SLC27A2: variants seen among roughly 807,000 people sequenced by gnomAD.
SLC27A2 encodes solute carrier family 27 member 2.
SLC27A2 carries 54 observed loss-of-function variants against 60.0 expected under a neutral mutation model. That is an observed-to-expected ratio of 0.90 (90% confidence interval 0.72 to 1.13). The LOEUF (loss-of-function observed/expected upper bound fraction) is 1.13, where lower values mean the gene tolerates loss of function less well. Among genes scored for constraint, SLC27A2 ranks in the 50% most tolerant of loss-of-function variants. SLC27A2 has a pLI of 0.00. For synonymous variants in SLC27A2, 297 were observed against 297.6 expected (o/e 1.00, Z 0.02); for missense variants, 739 against 777.6 (o/e 0.95, Z 0.59).
intron 9 of SLC27A2, among the ~76,000 whole-genome samples, chr15:50,235,589 G>A (rs566710346): frequency 2.6e-4 from 39 of 152,108 alleles, no homozygotes; most frequent in Non-Finnish European, 4.6e-4. Flanking sequence ...CTTTCACTTC[G>A]CTAGAAAATG....
Position 50,182,732 on chromosome 15 carries a change from G to A in SLC27A2, c.305G>A (p.Arg102His). 1.9e-6 allele frequency: 3 copies of A among 1,613,886 alleles called. No homozygotes were observed. The highest frequency in any genetic ancestry group is 2.5e-6 in the Non-Finnish European group (3 of 1,179,950). ...GCGCTGCACGACCACCTCGGCCTGC[G>A]CCAGGGAGACTGCGTGGCGCTCCTT... ...ARALHDHLGL[R>H]QGDCVALLMG... Residue 102 changes from arginine (R) to histidine (H), a missense_variant, in exon 1 of 10, where the codon CGC becomes CAC. Physicochemically the swap from Arg to His is conservative, Grantham distance 29 (BLOSUM62 0). Transcript: ENST00000267842.
chr15:50,184,705 C>T (rs1045903744), intron 1 of SLC27A2, among the ~76,000 whole-genome samples: 8 of 151,804 alleles, frequency 5.3e-5, no homozygotes, highest in Admixed American at 3.3e-4. Flanking sequence ...GGCATGGTGG[C>T]GCGTGCCTGT....
intron 7 of SLC27A2, among the ~76,000 whole-genome samples, chr15:50,228,102 G>T (rs1477266243): frequency 6.6e-6 from 1 of 152,140 alleles, no homozygotes; most frequent in African/African-American, 2.4e-5. Context: ...AATGGGCCAG[G>T]CGTGGTGGCT....
intron 9 of SLC27A2, among the ~76,000 whole-genome samples, chr15:50,234,613 G>A (rs979154747): frequency 4.7e-5 from 7 of 147,622 alleles, no homozygotes; most frequent in African/African-American, 1.8e-4. Context: ...AAAAAAATTA[G>A]CCAGGCATGG....
chr15:50,220,984 C>T (rs150325651), intron 4 of SLC27A2, among the ~76,000 whole-genome samples: 2 of 152,220 alleles, frequency 1.3e-5, no homozygotes, highest in African/African-American at 4.8e-5. Context: ...AGGAGGATAG[C>T]TTGAGGCCAG....
chr15:50,216,595 G>GGTGT lies in SLC27A2; in HGVS notation c.973-6357_973-6354dup, dbSNP rs371273005. ...ATCAACAAGTGGATAAAGAAACTGTGGTGTGTGTGTGTGTGTATATATATA... is the reference window on the plus strand; with the variant it reads ...ATCAACAAGTGGATAAAGAAACTGTGGTGTGTGTGTGTGTGTGTGTATATATATA... On this transcript the variant is annotated intron_variant, in intron 4 of 9. Coordinates refer to ENST00000267842, the MANE Select transcript of SLC27A2 (RefSeq NM_003645.4). Among the ~76,000 whole-genome samples the GGTGT allele has an allele frequency of 7.2e-3, 503 of 69,578 alleles. 33 individuals are homozygous for GGTGT. The highest frequency in any genetic ancestry group is 0.018 in the African/African-American group (340 of 19,396). 45.6% of individuals were successfully genotyped at this position (69,578 alleles called of 152,430 possible).
intron 7 of SLC27A2, among the ~76,000 whole-genome samples, chr15:50,228,393 A>AG (rs1031908691): frequency 6.6e-6 from 1 of 150,924 alleles, no homozygotes; most frequent in Admixed American, 6.6e-5. Context: ...AAAAAAAAAA[A>AG]AAAAAAGAAT....
In SLC27A2 at chr15:50,182,921, C is replaced by G; in HGVS notation, c.478+16C>G. On this transcript the variant is annotated intron_variant, in intron 1 of 9. Transcript: ENST00000267842. ...GTGTCGCCAGGTGAGCCCCGAGGAT[C>G]GCCCTGCCCTGGCACCAGGGCTTCT... The G allele has an allele frequency of 3.2e-6, 5 of 1,586,436 alleles. No homozygotes were observed. Among genetic ancestry groups the G allele is most frequent in the Non-Finnish European group, 4.3e-6 (5 of 1,167,530 alleles).
chr15:50,203,188 T>TA (rs550324667), intron 3 of SLC27A2, among the ~76,000 whole-genome samples: 193 of 148,006 alleles, frequency 1.3e-3, no homozygotes, highest in African/African-American at 3.6e-3. Context: ...ACCTTGACTG[T>TA]AAAAAAAAAA....
intron 4 of SLC27A2, among the ~76,000 whole-genome samples, chr15:50,219,615 A>G (rs1300445309): frequency 6.6e-6 from 1 of 152,156 alleles, no homozygotes; most frequent in Non-Finnish European, 1.5e-5. Flanking sequence ...TGATCCTGGG[A>G]AAATAATTTT....
rs532456100 is a variant in SLC27A2, at chr15:50,224,461, A to G, written c.1167+1302A>G. 6.6e-5 allele frequency among the ~76,000 whole-genome samples: 10 copies of G among 152,258 alleles called. No individual in the cohort carries two copies. The East Asian group carries it at 1.7e-3, about 26-fold the overall frequency. On this transcript the variant is annotated intron_variant, in intron 5 of 9. Coordinates refer to ENST00000267842, the MANE Select transcript of SLC27A2 (RefSeq NM_003645.4). ...TCTCAAAAAAAAGAAAGGATTAAATAACTTATGAAAAGGCCCTTAGAGGCT... is the reference window on the plus strand; with the variant it reads ...TCTCAAAAAAAAGAAAGGATTAAATGACTTATGAAAAGGCCCTTAGAGGCT...
In SLC27A2 at chr15:50,205,146, A is replaced by AT. The variant is rs1217356531; in HGVS notation, c.848-93_848-92insT. Reference sequence around the variant, plus strand: ...TTGTTTGCAAATATAATTTATTTTTAAATTTCTACCGTTCAAAGTTGACAA... The same window carrying AT: ...TTGTTTGCAAATATAATTTATTTTTATAATTTCTACCGTTCAAAGTTGACAA... On this transcript the variant is annotated intron_variant, in intron 3 of 9. Transcript: ENST00000267842. 2.1e-6 allele frequency: 3 copies of AT among 1,418,360 alleles called. No homozygotes were observed. The African/African-American group carries it at 4.3e-5, about 20-fold the overall frequency. 87.9% of individuals were successfully genotyped at this position (1,418,360 alleles called of 1,614,324 possible).
intron 8 of SLC27A2, among the ~76,000 whole-genome samples, chr15:50,230,244 A>G (rs1252111664): frequency 6.7e-6 from 1 of 148,214 alleles, no homozygotes; most frequent in East Asian, 2.0e-4. Context: ...ACCAAAAAAA[A>G]AAAAAAAAAA....
chr15:50,230,929 A>C (rs751588013), intron 8 of SLC27A2, among the ~76,000 whole-genome samples: 4 of 152,198 alleles, frequency 2.6e-5, no homozygotes, highest in Non-Finnish European at 4.4e-5. Flanking sequence ...ATCACCCAGG[A>C]GTCTGTTACA....
rs144348855 is a variant in SLC27A2, at chr15:50,197,544, G to C, written c.523G>C (p.Asp175His). The change falls in exon 2 of 10, where the codon GAT becomes CAT. Residue 175 changes from aspartate to histidine, a missense_variant. Physicochemically the swap from Asp to His is moderately conservative, Grantham distance 81 (BLOSUM62 -1). Transcript: ENST00000267842. ...VEEILPSLKK[D>H]DVSIYYVSRT... ...AGAGATACTGCCAAGCCTTAAAAAAGATGATGTGTCCATCTATTATGTGAG... is the reference window on the plus strand; with the variant it reads ...AGAGATACTGCCAAGCCTTAAAAAACATGATGTGTCCATCTATTATGTGAG... 1.9e-4 allele frequency: 299 copies of C among 1,614,030 alleles called. No individual in the cohort carries two copies. In the African/African-American group the frequency reaches 2.9e-3, roughly 16 times the overall value.
chr15:50,186,322 T>A (rs1455098337), intron 1 of SLC27A2, among the ~76,000 whole-genome samples: 1 of 152,212 alleles, frequency 6.6e-6, no homozygotes, highest in African/African-American at 2.4e-5. Flanking sequence ...CAGGAATGTG[T>A]ATTTTTATAA....
intron 1 of SLC27A2, among the ~76,000 whole-genome samples, chr15:50,188,703 T>TA (rs1392226709): frequency 6.6e-6 from 1 of 152,220 alleles, no homozygotes; most frequent in African/African-American, 2.4e-5. Flanking sequence ...CTCATGCCTG[T>TA]AATCCCAACA....
intron 1 of SLC27A2, among the ~76,000 whole-genome samples, chr15:50,192,852 C>T (rs192684806): frequency 7.3e-5 from 11 of 151,076 alleles, no homozygotes; most frequent in African/African-American, 2.4e-4. Context: ...ACCATTTTCC[C>T]CTCATTAAGA....
chr15:50,187,599 C>T (rs949736772), intron 1 of SLC27A2, among the ~76,000 whole-genome samples: 1 of 152,096 alleles, frequency 6.6e-6, no homozygotes, highest in Admixed American at 6.5e-5. Flanking sequence ...CACAGCCATG[C>T]GAGGCTCCCA....
Sources: gnomAD v4.1 joint callset for allele counts (sites outside exome capture counted in the v4.1 genomes callset) on GRCh38, gnomAD v4.1.1 for gene constraint, MANE v1.5 for transcripts, NCBI Gene and HGNC (gene_info 2026-07-23, HGNC 2026-07-21) for gene names.